MAP3K19: variants seen among roughly 807,000 people sequenced by gnomAD.
MAP3K19 encodes the protein SPS1/STE20-related protein kinase YSK4.
In MAP3K19, 91 loss-of-function variants were observed where a neutral mutation model predicts 114.4. The observed-to-expected ratio is 0.80, with a 90% CI of 0.67 to 0.95. The LOEUF is 0.95. Ranked by LOEUF, MAP3K19 falls within the 40% of genes least tolerant of loss-of-function variation. The pLI is 0.00. For missense variants in MAP3K19, 1,471 were observed against 1,573.2 expected, an observed-to-expected ratio of 0.94 and a Z score of 1.10; for synonymous variants, 518 against 530.5, an observed-to-expected ratio of 0.98 and a Z score of 0.32.
rs560528775 is a variant in MAP3K19 at position 135,036,022 on chromosome 2, C to T, written c.-284+4341G>A. On this transcript the variant is annotated intron_variant, in intron 2 of 12. Transcript: ENST00000392915. ...GCTAATTTGGTAGTTTTAGTAGAGA[C>T]GGGGTTTCTCCATGTTGGTCAGGCT... 1.1e-4 allele frequency among the ~76,000 whole-genome samples: 17 copies of T among 152,140 alleles called. No homozygotes were observed. The East Asian group carries it at 1.9e-3, about 17-fold the overall frequency.
chr2:134,968,642 C>T (rs1172190994), intron 12 of MAP3K19, among the ~76,000 whole-genome samples: 7 of 148,816 alleles, frequency 4.7e-5, no homozygotes, highest in Non-Finnish European at 7.4e-5. Flanking sequence ...ACGGGGCGGC[C>T]GGGCAGAGAC....
intron 8 of MAP3K19, among the ~76,000 whole-genome samples, chr2:134,992,646 A>C (rs1268435934): frequency 6.6e-6 from 1 of 151,894 alleles, no homozygotes; most frequent in East Asian, 1.9e-4. Context: ...GCCCTGCTAC[A>C]TCTTCCAAAA....
In MAP3K19 at chr2:135,047,346, T is replaced by C. The variant is rs545940169; in HGVS notation, c.-585A>G. On this transcript the variant is annotated 5_prime_UTR_variant, in exon 1 of 13. Coordinates refer to ENST00000392915, the MANE Select transcript of MAP3K19 (RefSeq NM_025052.5). ...TAAAAACAGCATAGATTCAGATTTTTTTTTCAGTGTTGTACAGCCCAAATA... is the reference window on the plus strand; with the variant it reads ...TAAAAACAGCATAGATTCAGATTTTCTTTTCAGTGTTGTACAGCCCAAATA... 6.6e-6 allele frequency: 1 copy of C among 152,306 alleles called. No homozygotes were observed. Among genetic ancestry groups the C allele is most frequent in the South Asian group, 2.1e-4 (1 of 4,822 alleles). 9.4% of individuals were successfully genotyped at this position (152,306 alleles called of 1,614,324 possible).
In MAP3K19 at chr2:134,986,991, A is replaced by G. The variant is rs566292303; in HGVS notation, c.1881T>C (p.Cys627=). 57 of 1,613,718 alleles carry G rather than the reference A, an allele frequency of 3.5e-5. No individual in the cohort carries two copies. The South Asian group carries it at 4.7e-4, about 13-fold the overall frequency. The change falls in exon 10 of 13, where the codon TGT becomes TGC. Residue 627 remains cysteine (C), a synonymous_variant. Coordinates refer to ENST00000392915, the MANE Select transcript of MAP3K19 (RefSeq NM_025052.5). Reference sequence around the variant, plus strand: ...CTGTCGGTTGAACAGAGAGAGGAACACATGACTTCTGTGTTCCTGGATTTT... The same window carrying G: ...CTGTCGGTTGAACAGAGAGAGGAACGCATGACTTCTGTGTTCCTGGATTTT... ...ICKNPGTQKS[C]VPLSVQPTEP...
intron 12 of MAP3K19, among the ~76,000 whole-genome samples, chr2:134,965,128 C>G (rs770402315): frequency 7.2e-5 from 11 of 152,162 alleles, no homozygotes; most frequent in Non-Finnish European, 1.6e-4. Context: ...ACAATAATAC[C>G]TAACTCATTG....
chr2:135,035,552 C>T (rs1688508317), intron 2 of MAP3K19, among the ~76,000 whole-genome samples: 1 of 152,084 alleles, frequency 6.6e-6, no homozygotes, highest in Admixed American at 6.5e-5. Flanking sequence ...TCTTCTTTTT[C>T]TGGGGATGAA....
intron 12 of MAP3K19, among the ~76,000 whole-genome samples, chr2:134,965,119 CAAT>C (rs1443125653): frequency 2.0e-5 from 3 of 152,186 alleles, no homozygotes; most frequent in Non-Finnish European, 4.4e-5. Flanking sequence ...ATGGAGATAA[CAAT>C]AATACCTAAC....
chr2:134,991,463 G>A (rs1272981671), intron 9 of MAP3K19, 74 bp downstream of exon 9: 3 of 1,287,160 alleles, frequency 2.3e-6, no homozygotes, highest in East Asian at 2.3e-5. Flanking sequence ...AATTGCTGAG[G>A]ATTTGGTTCT....
In MAP3K19 at chr2:134,986,798, G is replaced by A. The variant is rs1326666275; in HGVS notation, c.2074C>T (p.Pro692Ser). 2 of 1,614,144 alleles carry A rather than the reference G, an allele frequency of 1.2e-6. No individual in the cohort carries two copies. Among genetic ancestry groups the A allele is most frequent in the South Asian group, 1.1e-5 (1 of 91,078 alleles). Residue 692 changes from proline to serine, a missense_variant, in exon 10 of 13, where the codon CCA becomes TCA. Coordinates refer to ENST00000392915, the MANE Select transcript of MAP3K19 (RefSeq NM_025052.5). ...NTYYREICSA[P>S]SGRRITNKCR... is the part of the protein sequence containing the mutation. ...TTATTGGTGATACGTCTGCCTGATG[G>A]AGCCGAACATATCTCACGGTAATAC...
At chr2:134,981,747 G>A (rs1418754628) in intron 11 of MAP3K19, among the ~76,000 whole-genome samples, 1 of 152,144 alleles carries the variant, frequency 6.6e-6, no homozygotes, top group African/African-American at 2.4e-5. Context: ...AAAGTCAAGT[G>A]GCTTGAATTG....
At chr2:134,979,442 TCGTGTG>T (rs1312013418) in intron 12 of MAP3K19, among the ~76,000 whole-genome samples, 1 of 106,356 alleles carries the variant, frequency 9.4e-6, no homozygotes, top group Non-Finnish European at 1.7e-5. Flanking sequence ...TTAAAGTGCT[TCGTGTG>T]TGTGTGTGTG....
intron 2 of MAP3K19, among the ~76,000 whole-genome samples, chr2:135,033,819 C>T (rs1444162001): frequency 6.0e-5 from 1 of 16,724 alleles, no homozygotes; most frequent in Non-Finnish European, 9.0e-5. Flanking sequence ...GCTGGCCGGG[C>T]GGGGGGGCTG....
intron 2 of MAP3K19, among the ~76,000 whole-genome samples, chr2:135,038,275 G>C (rs1242761915): frequency 6.6e-6 from 1 of 151,894 alleles, no homozygotes; most frequent in African/African-American, 2.4e-5. Context: ...ATATACATAT[G>C]TGTATGTATA....
At chr2:134,990,876 G>A (rs1449983619) in intron 9 of MAP3K19, among the ~76,000 whole-genome samples, 1 of 152,154 alleles carries the variant, frequency 6.6e-6, no homozygotes, top group Non-Finnish European at 1.5e-5. Context: ...AACTGTTTAT[G>A]TTATCTATAA....
rs1028843911 is a variant in MAP3K19 at position 134,999,761 on chromosome 2, C to A, written c.314+176G>T. 2.0e-5 allele frequency among the ~76,000 whole-genome samples: 3 copies of A among 152,156 alleles called. No individual in the cohort carries two copies. The highest frequency in any genetic ancestry group is 7.2e-5 in the African/African-American group (3 of 41,424). On this transcript the variant is annotated intron_variant, in intron 7 of 12. Coordinates refer to ENST00000392915, the MANE Select transcript of MAP3K19 (RefSeq NM_025052.5). The surrounding 1 kb of genome is among the most constrained non-coding windows in gnomAD (Gnocchi z 4.1). ...CAGAGTTGAATCATCACAACAGAGA[C>A]CATATGGCCCACACAGCCAAAGTGT...
At chr2:134,994,529 G>A (rs2105270711) in intron 8 of MAP3K19, among the ~76,000 whole-genome samples, 1 of 152,298 alleles carries the variant, frequency 6.6e-6, no homozygotes, top group East Asian at 1.9e-4. Context: ...GCAGAAATGG[G>A]GAGCTGGAGT....
In MAP3K19 at chr2:134,964,585, GTTCC is replaced by G; in HGVS notation, c.*261_*264del. 3.7e-6 allele frequency: 1 copy of G among 273,436 alleles called. No individual in the cohort carries two copies. Among genetic ancestry groups the G allele is most frequent in the Non-Finnish European group, 6.9e-6 (1 of 144,954 alleles). 16.9% of individuals were successfully genotyped at this position (273,436 alleles called of 1,614,324 possible). On this transcript the variant is annotated 3_prime_UTR_variant, in exon 13 of 13. Transcript: ENST00000392915. ...GTCATATAAAACAATAGAGAATGTAGTTCCTGGACAATCAAAACTGTAAACACTG... is the reference window on the plus strand; with the variant it reads ...GTCATATAAAACAATAGAGAATGTAGTGGACAATCAAAACTGTAAACACTG...
rs144534811 is a variant in MAP3K19 at position 134,965,665 on chromosome 2, C to T, written c.3921-749G>A. Among the ~76,000 whole-genome samples, 171 of 152,220 alleles carry T rather than the reference C, an allele frequency of 1.1e-3. 6 individuals carry two copies. In the Middle Eastern group the frequency reaches 0.044, roughly 39 times the overall value. On this transcript the variant is annotated intron_variant, in intron 12 of 12. Coordinates refer to ENST00000392915, the MANE Select transcript of MAP3K19 (RefSeq NM_025052.5). ...TTTAACAACCAGGTAACTTCCCCTA[C>T]CCGCTACATTGTGCAACCACTTTCT...
At chr2:135,002,098 C>T (rs1686483300) in intron 6 of MAP3K19, among the ~76,000 whole-genome samples, 1 of 152,150 alleles carries the variant, frequency 6.6e-6, no homozygotes, top group African/African-American at 2.4e-5. Flanking sequence ...GAAGAGGATG[C>T]ATTGTCACAG....
Sources: gnomAD v4.1 joint callset for allele counts (sites outside exome capture counted in the v4.1 genomes callset) on GRCh38, gnomAD v4.1.1 for gene constraint, Gnocchi (gnomAD v3.1) non-coding constraint, MANE v1.5 for transcripts, NCBI Gene and HGNC (gene_info 2026-07-23, HGNC 2026-07-21) for gene names.